The following HCRTR2 variants were observed in gnomAD, a reference collection of about 807,000 sequenced individuals.
HCRTR2 encodes orexin receptor type 2.
Under a neutral mutation model 49.0 loss-of-function variants are expected in HCRTR2, and 22 were observed. The ratio of observed to expected loss-of-function variants is 0.45; its 90% CI spans 0.32 to 0.64. HCRTR2 has a LOEUF of 0.64. HCRTR2 is among the 30% of genes least tolerant of loss of function. HCRTR2 has a pLI of 0.04. For synonymous variants in HCRTR2, 236 were observed against 205.3 expected, an observed-to-expected ratio of 1.15 and a Z score of -1.28; for missense variants, 491 against 559.4, an observed-to-expected ratio of 0.88 and a Z score of 1.23.
intron 1 of HCRTR2, among the ~76,000 whole-genome samples, chr6:55,122,361 T>G (rs2127238538): frequency 6.6e-6 from 1 of 152,266 alleles, no homozygotes; most frequent in African/African-American, 2.4e-5. Context: ...TCTTTTCTTC[T>G]TTATTAGTCT....
chr6:55,175,812 A>G (rs1251859190), intron 1 of HCRTR2, among the ~76,000 whole-genome samples: 2 of 152,140 alleles, frequency 1.3e-5, no homozygotes, highest in African/African-American at 4.8e-5. Flanking sequence ...GGGAGGGATA[A>G]CTTGAAATAA....
intron 1 of HCRTR2, among the ~76,000 whole-genome samples, chr6:55,128,192 T>C (rs1339492517): frequency 6.6e-6 from 1 of 152,194 alleles, no homozygotes; most frequent in Non-Finnish European, 1.5e-5. Flanking sequence ...CTTTCCCCAT[T>C]GCTTGCTTTT....
intron 1 of HCRTR2, among the ~76,000 whole-genome samples, chr6:55,130,776 C>T (rs910226023): frequency 6.6e-6 from 1 of 151,868 alleles, no homozygotes; most frequent in Non-Finnish European, 1.5e-5. Context: ...TCTTCTCCTG[C>T]ATTATTAATA....
chr6:55,112,504 C>G (rs957340479), intron 1 of HCRTR2, among the ~76,000 whole-genome samples: 1 of 145,270 alleles, frequency 6.9e-6, no homozygotes, highest in Admixed American at 7.0e-5. Context: ...CTAACACGAC[C>G]AAGCTGAGTC....
intron 1 of HCRTR2, among the ~76,000 whole-genome samples, chr6:55,168,115 A>T (rs575534431): frequency 6.6e-6 from 1 of 152,204 alleles, no homozygotes; most frequent in Non-Finnish European, 1.5e-5. Flanking sequence ...CTAAATGCAA[A>T]GTGCATGCTA....
intron 1 of HCRTR2, among the ~76,000 whole-genome samples, chr6:55,245,719 G>T (rs1029517961): frequency 6.6e-6 from 1 of 151,500 alleles, no homozygotes; most frequent in Non-Finnish European, 1.5e-5. Flanking sequence ...GATGGGGAAT[G>T]AAAAGCCCAT....
chr6:55,153,037 A>G (rs547023337), intron 1 of HCRTR2, among the ~76,000 whole-genome samples: 1 of 152,056 alleles, frequency 6.6e-6, no homozygotes, highest in Admixed American at 6.6e-5. Flanking sequence ...TTAAGTTTAA[A>G]TCTAATTCAC....
At chr6:55,139,176 G>A (rs1764474670) in intron 1 of HCRTR2, among the ~76,000 whole-genome samples, 1 of 152,162 alleles carries the variant, frequency 6.6e-6, no homozygotes, top group African/African-American at 2.4e-5. Flanking sequence ...TCCAAACATA[G>A]GTCCTGGAAG....
At chr6:55,116,666 A>G (rs1166335576) in intron 1 of HCRTR2, among the ~76,000 whole-genome samples, 1 of 150,444 alleles carries the variant, frequency 6.6e-6, no homozygotes, top group African/African-American at 2.4e-5. Context: ...CTTCCAAATG[A>G]TTGTATCAAA....
intron 1 of HCRTR2, among the ~76,000 whole-genome samples, chr6:55,114,654 T>C (rs1311884913): frequency 6.6e-6 from 1 of 151,832 alleles, no homozygotes; most frequent in Non-Finnish European, 1.5e-5. Flanking sequence ...GTCTATACAA[T>C]AGTTGCTTAA....
At chr6:55,113,189 T>C (rs909009971) in intron 1 of HCRTR2, among the ~76,000 whole-genome samples, 2 of 151,974 alleles carry the variant, frequency 1.3e-5, no homozygotes, top group African/African-American at 2.4e-5. Context: ...GAAGATAACA[T>C]TGGAAAAACC....
intron 1 of HCRTR2, among the ~76,000 whole-genome samples, chr6:55,221,259 T>G (rs1302576509): frequency 6.6e-6 from 1 of 152,206 alleles, no homozygotes; most frequent in Non-Finnish European, 1.5e-5. Context: ...GAGGGTCTCA[T>G]GCTTCCTGAC....
chr6:55,279,827 G>A (rs74296544), intron 5 of HCRTR2, among the ~76,000 whole-genome samples: 2,684 of 151,476 alleles, frequency 0.018, 67 homozygotes, highest in East Asian at 0.079. Flanking sequence ...TTCTTCTCTG[G>A]GTATTAAGGA....
At chr6:55,225,320 T>C (rs1765982510) in intron 1 of HCRTR2, among the ~76,000 whole-genome samples, 1 of 152,220 alleles carries the variant, frequency 6.6e-6, no homozygotes, top group African/African-American at 2.4e-5. Context: ...TCTGATCTTT[T>C]ATGTCCCTAG....
At chr6:55,156,557 T>G (rs1764732208) in intron 1 of HCRTR2, among the ~76,000 whole-genome samples, 1 of 151,604 alleles carries the variant, frequency 6.6e-6, no homozygotes, top group Admixed American at 6.6e-5. Flanking sequence ...TCACTCTCTC[T>G]TTCTCTCTCT....
chr6:55,141,591 A>G (rs1477672009), intron 1 of HCRTR2, among the ~76,000 whole-genome samples: 1 of 152,146 alleles, frequency 6.6e-6, no homozygotes, highest in Non-Finnish European at 1.5e-5. Flanking sequence ...ATTTCTAGAG[A>G]AGAGCTTATA....
intron 1 of HCRTR2, among the ~76,000 whole-genome samples, chr6:55,185,284 A>G (rs1180584311): frequency 1.3e-5 from 2 of 152,214 alleles, no homozygotes; most frequent in Non-Finnish European, 2.9e-5. Context: ...TATACTTTGG[A>G]CACAGGAAAA....
chr6:55,177,019 T>C (rs768115726), intron 1 of HCRTR2, among the ~76,000 whole-genome samples: 2 of 152,330 alleles, frequency 1.3e-5, no homozygotes, highest in Middle Eastern at 3.4e-3. Context: ...TGCATAGACC[T>C]TGTAGTGAAT....
intron 1 of HCRTR2, among the ~76,000 whole-genome samples, chr6:55,176,461 G>A (rs1208015517): frequency 1.3e-5 from 2 of 151,996 alleles, no homozygotes; most frequent in Non-Finnish European, 2.9e-5. Flanking sequence ...CATCTCTTAA[G>A]ACACATGGCT....
Sources: allele counts gnomAD v4.1 joint callset (sites outside exome capture counted in the v4.1 genomes callset), GRCh38; gene constraint gnomAD v4.1.1; transcripts MANE v1.5; gene names NCBI Gene and HGNC (gene_info 2026-07-23, HGNC 2026-07-21).